PPFIBP2: variants seen among roughly 807,000 people sequenced by gnomAD.
PPFIBP2 encodes the protein liprin-beta-2.
Under a neutral mutation model 118.3 loss-of-function variants are expected in PPFIBP2, and 118 were observed. That is an observed-to-expected ratio of 1.00 (90% CI 0.86 to 1.16). The LOEUF (loss-of-function observed/expected upper bound fraction) is 1.16. Ranked by LOEUF, PPFIBP2 falls within the 50% of genes most tolerant of loss-of-function variation. PPFIBP2 has a pLI of 0.00. For missense variants in PPFIBP2, 1,195 were observed against 1,073.1 expected, an observed-to-expected ratio of 1.11 and a Z score of -1.59; for synonymous variants, 414 against 397.4, an observed-to-expected ratio of 1.04 and a Z score of -0.50.
intron 5 of PPFIBP2, among the ~76,000 whole-genome samples, chr11:7,601,221 C>T (rs1027911727): frequency 2.0e-5 from 3 of 152,128 alleles, no homozygotes; most frequent in African/African-American, 7.2e-5. Flanking sequence ...CTCAGTCTGT[C>T]GCTGCTCAGG....
chr11:7,653,833 G>C, downstream of PPFIBP2: 4 of 1,173,902 alleles, frequency 3.4e-6, no homozygotes, highest in Non-Finnish European at 4.3e-6. Flanking sequence ...CCTACGGATT[G>C]CAGAGCTGAA....
intron 6 of PPFIBP2, among the ~76,000 whole-genome samples, chr11:7,614,334 C>T (rs1848395301): frequency 6.6e-6 from 1 of 152,234 alleles, no homozygotes; most frequent in South Asian, 2.1e-4. Flanking sequence ...TGTGGATACA[C>T]ACAGACACAC....
At chr11:7,571,679 G>C (rs1855665048) in intron 3 of PPFIBP2, 1 of 152,162 alleles carries the variant, frequency 6.6e-6, no homozygotes, top group Non-Finnish European at 1.5e-5. Flanking sequence ...CCGATTTCCA[G>C]CATGTTTTCT....
At chr11:7,596,792 A>G (rs1179669362) in intron 4 of PPFIBP2, among the ~76,000 whole-genome samples, 2 of 152,220 alleles carry the variant, frequency 1.3e-5, no homozygotes, top group Admixed American at 6.5e-5. Context: ...AAGAAAAAGG[A>G]TCCTGGGGCC....
chr11:7,644,054 GTAATT>G (rs972138422), intron 17 of PPFIBP2, among the ~76,000 whole-genome samples: 1 of 151,930 alleles, frequency 6.6e-6, no homozygotes, highest in Non-Finnish European at 1.5e-5. Context: ...CTTTTTATTG[GTAATT>G]TAGTTTTCAT....
At chr11:7,596,786 A>C (rs1379172110) in intron 4 of PPFIBP2, among the ~76,000 whole-genome samples, 1 of 152,218 alleles carries the variant, frequency 6.6e-6, no homozygotes, top group Non-Finnish European at 1.5e-5. Flanking sequence ...TTAATAAAGA[A>C]AAAGGATCCT....
At chr11:7,612,223 C>G (rs1284287243) in intron 6 of PPFIBP2, among the ~76,000 whole-genome samples, 3 of 152,186 alleles carry the variant, frequency 2.0e-5, no homozygotes, top group African/African-American at 7.2e-5. Flanking sequence ...GAAGGTTCTC[C>G]CCAGGTGGTG....
intron 3 of PPFIBP2, chr11:7,568,860 A>G (rs1196814460): frequency 6.6e-6 from 1 of 152,274 alleles, no homozygotes; most frequent in Non-Finnish European, 1.5e-5. Context: ...TAAGTGTAAA[A>G]GAAATAGACA....
the PPFIBP2 span, among the ~76,000 whole-genome samples, chr11:7,664,932 C>T: frequency 6.6e-6 from 1 of 151,970 alleles, no homozygotes. Flanking sequence ...ACCCCTAGTG[C>T]CATGGAGAGA....
chr11:7,636,288 C>CAACCATAT (rs5742006), intron 14 of PPFIBP2, among the ~76,000 whole-genome samples: 16,326 of 151,652 alleles, frequency 0.11, 1,288 homozygotes, highest in East Asian at 0.46. Context: ...TATATTTTCA[C>CAACCATAT]GGTAAAATGG....
intron 3 of PPFIBP2, among the ~76,000 whole-genome samples, chr11:7,588,251 C>G (rs1355128599): frequency 6.6e-6 from 1 of 152,176 alleles, no homozygotes; most frequent in Non-Finnish European, 1.5e-5. Flanking sequence ...ACGGTCCAAA[C>G]TGCCCCTTAT....
chr11:7,585,505 G>A (rs933557006), intron 3 of PPFIBP2, among the ~76,000 whole-genome samples: 3 of 152,194 alleles, frequency 2.0e-5, no homozygotes, highest in Admixed American at 1.3e-4. Context: ...CATGCCAGTT[G>A]GGGAGTGCTA....
intron 11 of PPFIBP2, chr11:7,632,607 AG>A (rs1305510547): frequency 9.4e-6 from 3 of 319,368 alleles, no homozygotes; most frequent in Non-Finnish European, 1.8e-5. Flanking sequence ...CCCAGGTCTC[AG>A]GACTGTACTA....
At position 7,549,595 on chromosome 11, in the gene PPFIBP2, C is replaced by A. The variant is rs1055158448; in HGVS notation, c.64+56C>A. The stretch of plus-strand genomic sequence containing the variant: ...CTCATCCTCCACATTCCAGGAACTG[C>A]TTCTCTCCTTTTACTTTTTTTTTTT... On this transcript the variant is annotated intron_variant, in intron 2 of 23. Transcript: ENST00000299492. The A allele has an allele frequency of 8.9e-6, 12 of 1,345,758 alleles. No homozygotes were observed. In the Admixed American group the frequency reaches 1.3e-4, roughly 14 times the overall value. 83.4% of individuals were successfully genotyped at this position (1,345,758 alleles called of 1,614,324 possible). A position where few individuals can be genotyped will look rare whatever the true frequency, so the allele number is the denominator to read the frequency against.
At chr11:7,641,794 A>C (rs1254243567) in intron 16 of PPFIBP2, 174 bp downstream of exon 16, 1 of 698,334 alleles carries the variant, frequency 1.4e-6, no homozygotes, top group African/African-American at 1.8e-5. Context: ...AAGGAGAAGT[A>C]TGAAAGACAC....
intron 1 of PPFIBP2, among the ~76,000 whole-genome samples, chr11:7,549,089 A>C (rs1009192377): frequency 1.3e-5 from 2 of 152,092 alleles, no homozygotes; most frequent in Non-Finnish European, 2.9e-5. Flanking sequence ...CTGCTCTCCT[A>C]CGCCACTTAG....
chr11:7,592,857 G>T (rs1216308545), intron 3 of PPFIBP2, among the ~76,000 whole-genome samples: 2 of 152,170 alleles, frequency 1.3e-5, no homozygotes, highest in Non-Finnish European at 2.9e-5. Context: ...AAGCACTGCT[G>T]GGCCTAGAGT....
At chr11:7,605,190 A>G (rs1847192524) in intron 5 of PPFIBP2, among the ~76,000 whole-genome samples, 1 of 152,248 alleles carries the variant, frequency 6.6e-6, no homozygotes, top group Non-Finnish European at 1.5e-5. Context: ...TTATCCTTGG[A>G]AAGGAACTAT....
At chr11:7,655,436 G>C (rs1306620978), downstream of PPFIBP2, 1 of 1,289,740 alleles carries the variant, frequency 7.8e-7, no homozygotes. Context: ...TTTACAGATG[G>C]CACCTTCGGA....
Sources: gnomAD v4.1 joint callset for allele counts (sites outside exome capture counted in the v4.1 genomes callset) on GRCh38, gnomAD v4.1.1 for gene constraint, MANE v1.5 for transcripts, NCBI Gene and HGNC (gene_info 2026-07-23, HGNC 2026-07-21) for gene names.